Variants in RIMBP2 observed in about 807,000 individuals in gnomAD.
RIMBP2 encodes RIMS binding protein 2.
In RIMBP2, 48 loss-of-function variants were observed where a neutral mutation model predicts 118.6. The ratio of observed to expected loss-of-function variants is 0.40; its 90% CI spans 0.32 to 0.51. The LOEUF is 0.51. Among genes scored for constraint, RIMBP2 ranks in the 20% least tolerant of loss-of-function variants. The pLI, the probability that RIMBP2 is intolerant of heterozygous loss-of-function variation, is 0.41. For synonymous variants in RIMBP2, 762 were observed against 742.9 expected, an observed-to-expected ratio of 1.03 and a Z score of -0.42; for missense variants, 1,551 against 1,768.3, an observed-to-expected ratio of 0.88 and a Z score of 2.20.
At chr12:130,594,430 G>C (rs536599498) in intron 2 of RIMBP2, among the ~76,000 whole-genome samples, 3 of 152,326 alleles carry the variant, frequency 2.0e-5, no homozygotes, top group Admixed American at 2.0e-4. Context: ...CATAGAAGAG[G>C]GAGGTTTACT....
chr12:130,479,107 G>T, intron 4 of RIMBP2, 91 bp from the exon 5 acceptor site: 1 of 1,031,998 alleles, frequency 9.7e-7, no homozygotes, highest in Non-Finnish European at 1.4e-6. Flanking sequence ...CTCTGACTCA[G>T]CCCGGTCACT....
intron 9 of RIMBP2, 57 bp from the exon 10 acceptor site, chr12:130,445,326 C>G: frequency 1.6e-6 from 2 of 1,278,302 alleles, no homozygotes; most frequent in Non-Finnish European, 2.2e-6. Context: ...GCCCGCACCC[C>G]TGTCCGTGCA....
In RIMBP2 at chr12:130,434,376, A is replaced by G. The variant is rs1421188335; in HGVS notation, c.2253+358T>C. The stretch of plus-strand genomic sequence containing the variant: ...TGCCTCCCTAGCACACAGATGGCCA[A>G]CAAACATCTGCCCAGTTAACGGAGG... On this transcript the variant is annotated intron_variant, in intron 14 of 22. Coordinates refer to ENST00000690449, the MANE Select transcript of RIMBP2 (RefSeq NM_001393629.1). This position sits in a 1 kb window ranked among gnomAD's most constrained non-coding sequence, Gnocchi z 5.7. Among the ~76,000 whole-genome samples the G allele has an allele frequency of 6.6e-6, 1 of 152,202 alleles. No homozygotes were observed. Among genetic ancestry groups the G allele is most frequent in the Non-Finnish European group, 1.5e-5 (1 of 68,038 alleles).
intron 2 of RIMBP2, among the ~76,000 whole-genome samples, chr12:130,607,065 C>T (rs1043850141): frequency 2.0e-5 from 3 of 152,084 alleles, no homozygotes; most frequent in South Asian, 2.1e-4. Context: ...CTCCTGACCT[C>T]GTGATCTACC....
At position 130,620,904 on chromosome 12, in the gene RIMBP2, C is replaced by T. The variant is rs573010132; in HGVS notation, c.-217+7418G>A. Among the ~76,000 whole-genome samples, 2 of 152,320 alleles carry T rather than the reference C, an allele frequency of 1.3e-5. No homozygotes were observed. The highest frequency in any genetic ancestry group is 4.8e-5 in the African/African-American group (2 of 41,586). On this transcript the variant is annotated intron_variant, in intron 2 of 22. Coordinates refer to ENST00000690449, the MANE Select transcript of RIMBP2 (RefSeq NM_001393629.1). This position sits in a 1 kb window ranked among gnomAD's most constrained non-coding sequence, Gnocchi z 5.3. ...ACCCGCAGTCAACCACCCCACCCAG[C>T]AGTGGTGAGCACCTGGAACCTGCAG...
chr12:130,509,903 C>T (rs1386703612), intron 3 of RIMBP2, among the ~76,000 whole-genome samples: 1 of 152,244 alleles, frequency 6.6e-6, no homozygotes, highest in Admixed American at 6.5e-5. Context: ...AGGCTCCCTA[C>T]ATAAGGAGTT....
rs80108261 is a variant in RIMBP2 at position 130,458,037 on chromosome 12, C to T, written c.154-1337G>A. ...TGCCTGTTTCCTGCTGCGTCCCGGA[C>T]CTGAGCAAAGGGCTCAGCAACAGCC... is the stretch of plus-strand genomic sequence containing the variant. On this transcript the variant is annotated intron_variant, in intron 6 of 22. Coordinates refer to ENST00000690449, the MANE Select transcript of RIMBP2 (RefSeq NM_001393629.1). 5.8e-4 allele frequency among the ~76,000 whole-genome samples: 88 copies of T among 151,952 alleles called. No individual in the cohort carries two copies. In the East Asian group the frequency reaches 0.015, roughly 26 times the overall value.
At chr12:130,596,263 G>T (rs2059554654) in intron 2 of RIMBP2, among the ~76,000 whole-genome samples, 2 of 152,152 alleles carry the variant, frequency 1.3e-5, no homozygotes, top group Admixed American at 6.5e-5. Flanking sequence ...GGGTGATAAT[G>T]CCGACAGCCT....
rs1007957800 is a variant in RIMBP2 at position 130,622,148 on chromosome 12, C to G, written c.-217+6174G>C. On this transcript the variant is annotated intron_variant, in intron 2 of 22. Transcript: ENST00000690449. This position sits in a 1 kb window ranked among gnomAD's most constrained non-coding sequence, Gnocchi z 8.5. ...AGACAGTTAGTCTTGGGGTCCTGAC[C>G]AAAAATGAGCCCTGAGAACTTGCAG... 6.6e-6 allele frequency among the ~76,000 whole-genome samples: 1 copy of G among 152,098 alleles called. No homozygotes were observed. Among genetic ancestry groups the G allele is most frequent in the African/African-American group, 2.4e-5 (1 of 41,414 alleles).
chr12:130,607,622 C>T (rs1057328337), intron 2 of RIMBP2, among the ~76,000 whole-genome samples: 3 of 151,902 alleles, frequency 2.0e-5, no homozygotes, highest in Non-Finnish European at 2.9e-5. Flanking sequence ...TCCTCACCGG[C>T]GACTGTTTCT....
At chr12:130,527,066 G>T (rs1029945397) in intron 2 of RIMBP2, among the ~76,000 whole-genome samples, 1 of 152,170 alleles carries the variant, frequency 6.6e-6, no homozygotes, top group Non-Finnish European at 1.5e-5. Context: ...TGAGGTTAAG[G>T]CCGAGGGCAG....
intron 1 of RIMBP2, among the ~76,000 whole-genome samples, chr12:130,687,430 G>A (rs1385164510): frequency 4.6e-5 from 7 of 152,158 alleles, no homozygotes; most frequent in Non-Finnish European, 1.0e-4. Context: ...AGCACATCTG[G>A]GTGGTGGTTT....
At chr12:130,507,402 T>C (rs2050471203) in intron 3 of RIMBP2, among the ~76,000 whole-genome samples, 1 of 152,200 alleles carries the variant, frequency 6.6e-6, no homozygotes, top group African/African-American at 2.4e-5. Flanking sequence ...CTTACACCAA[T>C]TTGAATCGTC....
In RIMBP2 at chr12:130,525,573, A is replaced by G. The variant is rs1301330171; in HGVS notation, c.-216-7656T>C. 1.3e-5 allele frequency among the ~76,000 whole-genome samples: 2 copies of G among 152,140 alleles called. No individual in the cohort carries two copies. The highest frequency in any genetic ancestry group is 2.9e-5 in the Non-Finnish European group (2 of 68,022). On this transcript the variant is annotated intron_variant, in intron 2 of 22. Transcript: ENST00000690449. This position sits in a 1 kb window ranked among gnomAD's most constrained non-coding sequence, Gnocchi z 4.4. ...TAGCTGCCGGGAACAGCAGCCCTCC[A>G]GGAAGCCCAGTCAAGGCTGAGGGTG...
intron 9 of RIMBP2, 38 bp from the exon 10 acceptor site, chr12:130,445,307 G>T: frequency 4.0e-6 from 6 of 1,481,866 alleles, no homozygotes; most frequent in Non-Finnish European, 5.6e-6. Flanking sequence ...AGAGGCTCTG[G>T]AGGACACAGC....
chr12:130,640,956 C>G (rs779660109), intron 1 of RIMBP2, among the ~76,000 whole-genome samples: 1 of 152,210 alleles, frequency 6.6e-6, no homozygotes, highest in Non-Finnish European at 1.5e-5. Context: ...CTACTGGGAA[C>G]GCCATCAACC....
Position 130,645,720 on chromosome 12 carries a change from G to T in RIMBP2, c.-351-17264C>A, listed in dbSNP as rs115002566. 3.4e-3 allele frequency among the ~76,000 whole-genome samples: 516 copies of T among 152,320 alleles called. 2 individuals carry two copies. The highest frequency in any genetic ancestry group is 0.012 in the African/African-American group (479 of 41,554). Reference sequence around the variant, plus strand: ...TCCTCGCTGATGACATTAAGTCTCTGGATCAAACCGTGCCTGATCTCTTCC... The same window carrying T: ...TCCTCGCTGATGACATTAAGTCTCTTGATCAAACCGTGCCTGATCTCTTCC... On this transcript the variant is annotated intron_variant, in intron 1 of 22. Transcript: ENST00000690449.
intron 2 of RIMBP2, among the ~76,000 whole-genome samples, chr12:130,569,115 A>C (rs1236820581): frequency 6.6e-6 from 1 of 151,988 alleles, no homozygotes; most frequent in Admixed American, 6.6e-5. Flanking sequence ...CATGAAGCAG[A>C]CTGGGAACAC....
intron 3 of RIMBP2, among the ~76,000 whole-genome samples, chr12:130,508,355 G>C (rs1322932030): frequency 1.3e-5 from 2 of 151,588 alleles, no homozygotes; most frequent in Non-Finnish European, 2.9e-5. Context: ...CAAACTCCTT[G>C]GTGGTCTAAA....
Sources: allele counts gnomAD v4.1 joint callset (sites outside exome capture counted in the v4.1 genomes callset), GRCh38; gene constraint gnomAD v4.1.1; non-coding constraint Gnocchi (gnomAD v3.1); transcripts MANE v1.5; gene names NCBI Gene and HGNC (gene_info 2026-07-23, HGNC 2026-07-21).